KLF12: variants seen among roughly 807,000 people sequenced by gnomAD.
KLF12 encodes the protein KLF transcription factor 12, also known as Krueppel-like factor 12.
Under a neutral mutation model 37.8 loss-of-function variants are expected in KLF12, and 9 were observed. The observed-to-expected ratio is 0.24, with a 90% CI of 0.14 to 0.42. The LOEUF is 0.42. Among genes scored for constraint, KLF12 ranks in the 10% least tolerant of loss-of-function variants. The pLI, the probability that KLF12 is intolerant of heterozygous loss-of-function variation, is 1.00. For synonymous variants in KLF12, 208 were observed against 202.1 expected, an observed-to-expected ratio of 1.03 and a Z score of -0.25; for missense variants, 411 against 516.0, an observed-to-expected ratio of 0.80 and a Z score of 1.97.
the KLF12 span, among the ~76,000 whole-genome samples, chr13:74,222,371 G>A: frequency 1.3e-5 from 2 of 152,318 alleles, no homozygotes; most frequent in East Asian, 3.9e-4. Flanking sequence ...TCCATGGGAA[G>A]GAGCAGAGTA....
chr13:74,204,000 A>G, the KLF12 span, among the ~76,000 whole-genome samples: 1 of 152,160 alleles, frequency 6.6e-6, no homozygotes, highest in African/African-American at 2.4e-5. Context: ...TTGAAAACTT[A>G]AGCTAGAAAC....
In KLF12 at chr13:73,833,454, G is replaced by A. The variant is rs114192789; in HGVS notation, c.670+12373C>T. ...AGAAACAATGTATTCAAGAACACCA[G>A]GCGACTACAGATTGACATACCACAG... On this transcript the variant is annotated intron_variant, in intron 4 of 7. Coordinates refer to ENST00000377669, the MANE Select transcript of KLF12 (RefSeq NM_007249.5). Among the ~76,000 whole-genome samples, 1,241 of 152,224 alleles carry A rather than the reference G, an allele frequency of 8.2e-3. 17 individuals carry two copies. The highest frequency in any genetic ancestry group is 0.028 in the African/African-American group (1,183 of 41,540).
At chr13:73,991,369 G>A (rs1378350665) in intron 2 of KLF12, among the ~76,000 whole-genome samples, 1 of 152,194 alleles carries the variant, frequency 6.6e-6, no homozygotes, top group Non-Finnish European at 1.5e-5. Flanking sequence ...GTGCATGTTA[G>A]AATTAATGAC....
intron 3 of KLF12, among the ~76,000 whole-genome samples, chr13:73,897,339 C>T (rs765190152): frequency 6.6e-6 from 1 of 152,196 alleles, no homozygotes; most frequent in Non-Finnish European, 1.5e-5. Flanking sequence ...CCAAGCGCAA[C>T]ATGCATCTAC....
At chr13:74,059,738 T>A (rs1873464419) in intron 1 of KLF12, among the ~76,000 whole-genome samples, 1 of 152,190 alleles carries the variant, frequency 6.6e-6, no homozygotes. Flanking sequence ...TGCCTGTTTA[T>A]TTTGTTGATT....
chr13:74,116,570 C>T (rs1345027726), intron 1 of KLF12, among the ~76,000 whole-genome samples: 1 of 152,170 alleles, frequency 6.6e-6, no homozygotes, highest in East Asian at 1.9e-4. Flanking sequence ...AGTTGATTCC[C>T]ATGGCTATGA....
upstream of KLF12, among the ~76,000 whole-genome samples, chr13:74,138,617 C>T (rs1440385747): frequency 6.6e-6 from 1 of 152,066 alleles, no homozygotes; most frequent in Non-Finnish European, 1.5e-5. Context: ...GTTTTCGGTC[C>T]TTCTAGTTTA....
At chr13:73,831,990 T>TA (rs1312972237) in intron 4 of KLF12, among the ~76,000 whole-genome samples, 1 of 152,248 alleles carries the variant, frequency 6.6e-6, no homozygotes, top group Non-Finnish European at 1.5e-5. Context: ...ATTCTCTACT[T>TA]ACGTGGTTAG....
intron 1 of KLF12, among the ~76,000 whole-genome samples, chr13:74,063,695 T>C (rs1213967848): frequency 2.0e-5 from 3 of 152,324 alleles, no homozygotes; most frequent in Admixed American, 6.5e-5. Context: ...AATACTCAAA[T>C]AGATTTGAAA....
intron 4 of KLF12, among the ~76,000 whole-genome samples, chr13:73,840,447 C>G (rs1366742755): frequency 6.6e-6 from 1 of 152,096 alleles, no homozygotes; most frequent in Non-Finnish European, 1.5e-5. Context: ...ATCTCAAGCT[C>G]TATTAAAATG....
At chr13:73,923,918 C>T (rs529142813) in intron 3 of KLF12, among the ~76,000 whole-genome samples, 2 of 152,346 alleles carry the variant, frequency 1.3e-5, no homozygotes, top group South Asian at 4.1e-4. Context: ...ACCATGCAGG[C>T]ACACCTGCAT....
chr13:74,204,788 G>A, the KLF12 span, among the ~76,000 whole-genome samples: 1,791 of 152,234 alleles, frequency 0.012, 42 homozygotes, highest in African/African-American at 0.041. Context: ...ATTCGAGGTT[G>A]GTGGATGATT....
At chr13:73,735,369 C>A (rs773973018) in intron 6 of KLF12, among the ~76,000 whole-genome samples, 32 of 152,244 alleles carry the variant, frequency 2.1e-4, no homozygotes, top group Non-Finnish European at 4.0e-4. Flanking sequence ...TAAAAGATAT[C>A]ATTCAATACA....
chr13:74,134,644 G>A (rs1878469215), upstream of KLF12, among the ~76,000 whole-genome samples: 1 of 152,048 alleles, frequency 6.6e-6, no homozygotes, highest in Non-Finnish European at 1.5e-5. Flanking sequence ...ATGGCCCTGG[G>A]AGCTCGGGGA....
chr13:74,105,426 A>G (rs1304241419), intron 1 of KLF12, among the ~76,000 whole-genome samples: 1 of 152,182 alleles, frequency 6.6e-6, no homozygotes, highest in Non-Finnish European at 1.5e-5. Flanking sequence ...AAGAAAAATA[A>G]CCATTATCAT....
the KLF12 span, among the ~76,000 whole-genome samples, chr13:74,224,802 T>G: frequency 1.3e-5 from 2 of 152,166 alleles, no homozygotes; most frequent in Non-Finnish European, 2.9e-5. Flanking sequence ...ATTGTTGTAA[T>G]TTTACCAAGC....
chr13:74,091,744 G>GT (rs1875675246), intron 1 of KLF12, among the ~76,000 whole-genome samples: 1 of 152,118 alleles, frequency 6.6e-6, no homozygotes, highest in Non-Finnish European at 1.5e-5. Context: ...TAGTGGTTAT[G>GT]TATCATTGTG....
At chr13:73,825,147 C>T (rs148662830) in intron 4 of KLF12, among the ~76,000 whole-genome samples, 4 of 151,752 alleles carry the variant, frequency 2.6e-5, no homozygotes, top group Admixed American at 6.6e-5. Flanking sequence ...TGTAACAGTG[C>T]CCCCCTTCTC....
intron 6 of KLF12, among the ~76,000 whole-genome samples, chr13:73,761,817 C>T (rs1337909222): frequency 6.6e-6 from 1 of 152,118 alleles, no homozygotes; most frequent in East Asian, 1.9e-4. Context: ...ACCACAGTCA[C>T]TGGAGAAAGG....
Sources: gnomAD v4.1 joint callset for allele counts (sites outside exome capture counted in the v4.1 genomes callset) on GRCh38, gnomAD v4.1.1 for gene constraint, MANE v1.5 for transcripts, NCBI Gene and HGNC (gene_info 2026-07-23, HGNC 2026-07-21) for gene names.